Variants in DISC1 observed in about 807,000 individuals in gnomAD.
The protein encoded by DISC1 is DISC1 scaffold protein, also known as disrupted in schizophrenia 1 protein.
In DISC1, 57 loss-of-function variants were observed where a neutral mutation model predicts 84.5. The observed-to-expected ratio is 0.67, with a 90% confidence interval of 0.55 to 0.84. DISC1 has a LOEUF of 0.84. Ranked by LOEUF, DISC1 falls within the 40% of genes least tolerant of loss-of-function variation. The pLI is 0.00. For missense variants in DISC1, 1,000 were observed against 1,057.8 expected, an observed-to-expected ratio of 0.95 and a Z score of 0.76; for synonymous variants, 411 against 415.2, an observed-to-expected ratio of 0.99 and a Z score of 0.12.
intron 10 of DISC1, among the ~76,000 whole-genome samples, chr1:231,970,300 T>C (rs1368291241): frequency 6.6e-6 from 1 of 152,242 alleles, no homozygotes; most frequent in East Asian, 1.9e-4. Context: ...TTCTAACTGG[T>C]ATGAGATGGT....
intron 9 of DISC1, among the ~76,000 whole-genome samples, chr1:231,958,558 G>A (rs572242041): frequency 2.0e-4 from 30 of 152,326 alleles, no homozygotes; most frequent in African/African-American, 7.0e-4. Flanking sequence ...CTATCAGTGA[G>A]CTGCTTTTTA....
chr1:231,931,675 G>T (rs529654256), intron 9 of DISC1, among the ~76,000 whole-genome samples: 2 of 148,286 alleles, frequency 1.3e-5, no homozygotes, highest in South Asian at 2.2e-4. Flanking sequence ...TTGAGACAGG[G>T]TCTCACTCTA....
chr1:231,995,928 A>C (rs919630284), intron 10 of DISC1, among the ~76,000 whole-genome samples: 1 of 151,984 alleles, frequency 6.6e-6, no homozygotes, highest in Admixed American at 6.6e-5. Flanking sequence ...TGACTTCCAC[A>C]ATGGTTGAAC....
At chr1:231,626,984 A>G (rs986258806) in intron 1 of DISC1, 50 bp downstream of exon 1, 2 of 1,323,556 alleles carry the variant, frequency 1.5e-6, no homozygotes, top group Non-Finnish European at 2.0e-6. Flanking sequence ...GGTCCTGGCA[A>G]GGAGGGCGCG....
chr1:232,026,767 T>TC lies in DISC1; in HGVS notation c.2425+215_2425+216insC, dbSNP rs201677264. ...CAGTATTTTTTTTCTTTTTTCTTTT[T>TC]TTTTTTTTTTTTTTTTTGATGCCTT... On this transcript the variant is annotated intron_variant, in intron 12 of 12. Coordinates refer to ENST00000439617, the MANE Select transcript of DISC1 (RefSeq NM_018662.3). Among the ~76,000 whole-genome samples, 694 of 44,556 alleles carry TC rather than the reference T, an allele frequency of 0.016. 8 individuals are homozygous for TC. The African/African-American group carries it at 0.18, about 12-fold the overall frequency. 29.2% of individuals were successfully genotyped at this position (44,556 alleles called of 152,430 possible). A position where few individuals can be genotyped will look rare whatever the true frequency, so the allele number is the denominator to read the frequency against.
At chr1:231,785,826 CT>C (rs1183978440) in intron 6 of DISC1, among the ~76,000 whole-genome samples, 1 of 152,180 alleles carries the variant, frequency 6.6e-6, no homozygotes, top group African/African-American at 2.4e-5. Flanking sequence ...TAAAGTGGAA[CT>C]TCAGCATAAA....
intron 9 of DISC1, among the ~76,000 whole-genome samples, chr1:231,836,911 C>T (rs199518970): frequency 3.3e-5 from 5 of 152,090 alleles, no homozygotes; most frequent in Non-Finnish European, 7.4e-5. Context: ...TAGTCAGTCT[C>T]TCTGTTCCCA....
At chr1:231,968,553 C>T (rs1371802942) in intron 10 of DISC1, among the ~76,000 whole-genome samples, 2 of 147,128 alleles carry the variant, frequency 1.4e-5, no homozygotes, top group African/African-American at 5.1e-5. Context: ...GATCCCGCCA[C>T]TGCACTCCAG....
rs374307815 is a variant in DISC1 at position 231,795,314 on chromosome 1, C to T, written c.1689+18C>T. The T allele has an allele frequency of 7.0e-5, 112 of 1,605,464 alleles. No homozygotes were observed. Among genetic ancestry groups the T allele is most frequent in the Non-Finnish European group, 1.6e-5 (19 of 1,172,772 alleles). On this transcript the variant is annotated intron_variant, in intron 7 of 12. Coordinates refer to ENST00000439617, the MANE Select transcript of DISC1 (RefSeq NM_018662.3). ...CTACTAAGGTAAGTACCTTTATATTCCCATTTTCCAAAGAAGCCTATGAAG... is the reference window on the plus strand; with the variant it reads ...CTACTAAGGTAAGTACCTTTATATTTCCATTTTCCAAAGAAGCCTATGAAG...
Position 232,026,552 on chromosome 1 carries a change from C to T in DISC1, c.2425C>T (p.Gln809Ter). 6.3e-7 allele frequency: 1 copy of T among 1,591,438 alleles called. No homozygotes were observed. Among genetic ancestry groups the T allele is most frequent in the African/African-American group, 1.3e-5 (1 of 74,750 alleles). Residue 809 changes from glutamine to a stop codon, truncating the protein, a stop_gained and splice_region_variant, in exon 12 of 13, where the codon CAG becomes TAG. Transcript: ENST00000439617. LOFTEE classifies it high-confidence loss of function. ...CCACAGTCATGATGAAGATCTCATTCATATCCTTTTCATCTTGCAGATGAA... is the reference window on the plus strand; with the variant it reads ...CCACAGTCATGATGAAGATCTCATTTATATCCTTTTCATCTTGCAGATGAA... ...AIHSHDEDLIQSLRRELQMVK... is the reference protein window; with the variant it reads ...AIHSHDEDLI
At chr1:231,892,123 T>C (rs1346497054) in intron 9 of DISC1, among the ~76,000 whole-genome samples, 1 of 152,200 alleles carries the variant, frequency 6.6e-6, no homozygotes, top group African/African-American at 2.4e-5. Flanking sequence ...AAAATGCTGA[T>C]ACTTGACAAA....
intron 1 of DISC1, among the ~76,000 whole-genome samples, chr1:231,669,688 A>G (rs921550816): frequency 6.6e-6 from 1 of 152,196 alleles, no homozygotes; most frequent in African/African-American, 2.4e-5. Flanking sequence ...ATCTAACACC[A>G]GTCAGAATGG....
At chr1:231,933,878 G>C (rs937021866) in intron 9 of DISC1, among the ~76,000 whole-genome samples, 1 of 152,118 alleles carries the variant, frequency 6.6e-6, no homozygotes, top group South Asian at 2.1e-4. Context: ...TCTGAGTCAG[G>C]GTGAGACACC....
chr1:231,638,531 A>AT (rs1429672849), intron 1 of DISC1, among the ~76,000 whole-genome samples: 1 of 152,138 alleles, frequency 6.6e-6, no homozygotes, highest in Non-Finnish European at 1.5e-5. Context: ...ATGATGAGGT[A>AT]TAGGGGTCCA....
intron 10 of DISC1, among the ~76,000 whole-genome samples, chr1:231,992,734 A>G (rs1665387911): frequency 6.6e-6 from 1 of 152,206 alleles, no homozygotes; most frequent in South Asian, 2.1e-4. Flanking sequence ...CACTTATAAA[A>G]AAGGATTTTA....
At position 231,878,972 on chromosome 1, in the gene DISC1, C is replaced by A. The variant is rs981841924; in HGVS notation, c.1981+60455C>A. ...AGCCATAAATCACTGTGTGAATAGA[C>A]CATGATTTAATTATCAGTTTTGCTG... On this transcript the variant is annotated intron_variant, in intron 9 of 12. Transcript: ENST00000439617. Among the ~76,000 whole-genome samples, 7 of 152,224 alleles carry A rather than the reference C, an allele frequency of 4.6e-5. No individual in the cohort carries two copies. In the East Asian group the frequency reaches 1.3e-3, roughly 29 times the overall value.
At position 231,722,918 on chromosome 1, in the gene DISC1, A is replaced by C. The variant is rs1025465061; in HGVS notation, c.1117+20894A>C. ...TGTGTTGGGACAATTAGATTTTTGT[A>C]GGGGGGAGAAACCACCCAAAAGCAA... is the stretch of plus-strand genomic sequence containing the variant. On this transcript the variant is annotated intron_variant, in intron 3 of 12. Transcript: ENST00000439617. 7 of 1,282,640 alleles carry C rather than the reference A, an allele frequency of 5.5e-6. No individual in the cohort carries two copies. In the Admixed American group the frequency reaches 1.4e-4, roughly 26 times the overall value. The allele number at this position is 1,282,640 out of a possible 1,614,324, so 79.5% of individuals were successfully genotyped here.
At chr1:231,767,410 C>G (rs372543403) in intron 5 of DISC1, 141 bp downstream of exon 5, 4 of 1,269,746 alleles carry the variant, frequency 3.2e-6, no homozygotes, top group Non-Finnish European at 3.3e-6. Flanking sequence ...GATTCTCCCA[C>G]CTCAGCCTCC....
chr1:231,683,837 T>C (rs2063946644), intron 1 of DISC1, among the ~76,000 whole-genome samples: 2 of 152,034 alleles, frequency 1.3e-5, no homozygotes, highest in African/African-American at 4.8e-5. Context: ...TCCCATCCTG[T>C]CTTCTGCCTC....
Sources: gnomAD v4.1 joint callset for allele counts (sites outside exome capture counted in the v4.1 genomes callset) on GRCh38, gnomAD v4.1.1 for gene constraint, MANE v1.5 for transcripts, NCBI Gene and HGNC (gene_info 2026-07-23, HGNC 2026-07-21) for gene names.